The following RELCH variants were observed in gnomAD, a reference collection of about 807,000 sequenced individuals.
RELCH encodes the protein RAB11-binding protein RELCH.
Under a neutral mutation model 150.3 loss-of-function variants are expected in RELCH, and 41 were observed. The observed-to-expected ratio is 0.27, with a 90% confidence interval of 0.21 to 0.35. The LOEUF is 0.35. Among genes scored for constraint, RELCH ranks in the 10% least tolerant of loss-of-function variants. The pLI, the probability that RELCH is intolerant of heterozygous loss-of-function variation, is 1.00. For missense variants in RELCH, 1,092 were observed against 1,467.8 expected (o/e 0.74, Z 4.18); for synonymous variants, 478 against 531.8 (o/e 0.90, Z 1.39).
At chr18:62,216,671 CAT>C (rs2040495636) in intron 2 of RELCH, among the ~76,000 whole-genome samples, 1 of 152,072 alleles carries the variant, frequency 6.6e-6, no homozygotes, top group African/African-American at 2.4e-5. Context: ...ATAGTACAGA[CAT>C]ATGAAGCCTT....
At chr18:62,252,128 T>C (rs1482426251) in intron 11 of RELCH, among the ~76,000 whole-genome samples, 2 of 151,680 alleles carry the variant, frequency 1.3e-5, no homozygotes, top group African/African-American at 2.4e-5. Context: ...CCCGAGTAGC[T>C]GGGACTACAG....
At chr18:62,247,932 A>C (rs1374160570) in intron 11 of RELCH, among the ~76,000 whole-genome samples, 2 of 152,164 alleles carry the variant, frequency 1.3e-5, no homozygotes, top group African/African-American at 4.8e-5. Flanking sequence ...TTGTGGTTTC[A>C]ATAATTTCCA....
chr18:62,273,205 T>A (rs2044004280), intron 20 of RELCH, among the ~76,000 whole-genome samples: 1 of 152,040 alleles, frequency 6.6e-6, no homozygotes, highest in Admixed American at 6.6e-5. Context: ...TAGGTTAATT[T>A]AACATAAAAC....
chr18:62,250,384 C>A (rs1361927374), intron 11 of RELCH, among the ~76,000 whole-genome samples: 1 of 152,118 alleles, frequency 6.6e-6, no homozygotes, highest in African/African-American at 2.4e-5. Flanking sequence ...TTAGCTATTA[C>A]AATTATCAAA....
chr18:62,199,279 T>G (rs897917716), intron 1 of RELCH, among the ~76,000 whole-genome samples: 1 of 152,170 alleles, frequency 6.6e-6, no homozygotes, highest in African/African-American at 2.4e-5. Context: ...GTTCCACTTA[T>G]GGAAATTAAT....
At position 62,221,202 on chromosome 18, in the gene RELCH, A is replaced by T. The variant is rs760792264; in HGVS notation, c.689-17A>T. 8.7e-6 allele frequency: 14 copies of T among 1,604,090 alleles called. No homozygotes were observed. Among genetic ancestry groups the T allele is most frequent in the Non-Finnish European group, 1.7e-6 (2 of 1,171,780 alleles). ...AATGTAAAATAGTAAAATAGTACTT[A>T]TGTTTTTTTCCACCAGAACATGAAG... On this transcript the variant is annotated splice_polypyrimidine_tract_variant and intron_variant, in intron 3 of 28. Coordinates refer to ENST00000644646, the MANE Select transcript of RELCH (RefSeq NM_001346231.2).
At position 62,227,406 on chromosome 18, in the gene RELCH, A is replaced by G; in HGVS notation, c.976A>G (p.Ser326Gly). 6.2e-7 allele frequency: 1 copy of G among 1,613,308 alleles called. No individual in the cohort carries two copies. Among genetic ancestry groups the G allele is most frequent in the Non-Finnish European group, 8.5e-7 (1 of 1,179,504 alleles). The change falls in exon 6 of 29, where the codon AGT becomes GGT. Residue 326 changes from serine to glycine, a missense_variant. This residue lies in a region of RELCH where 57 missense variants were observed against 41.5 expected (regional missense o/e 1.37). Coordinates refer to ENST00000644646, the MANE Select transcript of RELCH (RefSeq NM_001346231.2). ...TGGAAAAGATCTTGTAGATGTGGCC[A>G]GTGGAGTAGAAGAAGATGAATTAGA... is the stretch of plus-strand genomic sequence containing the variant. ...VTGKDLVDVA[S>G]GVEEDELEAL...
rs565172423 is a variant in RELCH, at chr18:62,300,816, A to G, written c.3530+1956A>G. 10 of 152,312 alleles carry G rather than the reference A, an allele frequency of 6.6e-5. No individual in the cohort carries two copies. In the South Asian group the frequency reaches 2.1e-3, roughly 32 times the overall value. The allele number at this position is 152,312 out of a possible 1,614,324, so 9.4% of individuals were successfully genotyped here. The stretch of plus-strand genomic sequence containing the variant: ...CATCATGTAAAATGTGGCACTTACT[A>G]TGGATCTGTGTCAGAAAAGTTTGAA... On this transcript the variant is annotated intron_variant, in intron 28 of 28. Transcript: ENST00000644646.
In RELCH at chr18:62,282,360, C is replaced by G. The variant is rs2044560427; in HGVS notation, c.3169C>G (p.Gln1057Glu). The G allele has an allele frequency of 6.2e-7, 1 of 1,612,620 alleles. No homozygotes were observed. The highest frequency in any genetic ancestry group is 8.5e-7 in the Non-Finnish European group (1 of 1,179,102). ...TTCTTTCCTGGAAGATCCTCAGTAT[C>G]AAGACCAACATTCTTTGCATACAGA... ...LASFLEDPQY[Q>E]DQHSLHTEII... is the part of the protein sequence containing the mutation. Residue 1057 changes from glutamine to glutamate, a missense_variant, in exon 25 of 29, where the codon CAA becomes GAA. Gln to Glu is a conservative substitution (Grantham distance 29, BLOSUM62 2). Coordinates refer to ENST00000644646, the MANE Select transcript of RELCH (RefSeq NM_001346231.2).
Position 62,306,171 on chromosome 18 carries a change from T to C in RELCH, c.*637T>C, listed in dbSNP as rs1029833817. On this transcript the variant is annotated 3_prime_UTR_variant, in exon 29 of 29. Coordinates refer to ENST00000644646, the MANE Select transcript of RELCH (RefSeq NM_001346231.2). The stretch of plus-strand genomic sequence containing the variant: ...CGAAACCTTCATTTCAGAACTCTCA[T>C]GAATATTCTTTAAGTGCTATTTAAA... 2.6e-5 allele frequency: 4 copies of C among 152,524 alleles called. No individual in the cohort carries two copies. The highest frequency in any genetic ancestry group is 6.5e-5 in the Admixed American group (1 of 15,276). The allele number at this position is 152,524 out of a possible 1,614,324, so 9.4% of individuals were successfully genotyped here.
chr18:62,277,912 A>C (rs1002738189), intron 22 of RELCH: 37 of 902,638 alleles, frequency 4.1e-5, no homozygotes, highest in Non-Finnish European at 4.8e-5. Flanking sequence ...AGCACAACTC[A>C]AAGAGGTCAT....
At chr18:62,215,099 T>A (rs1050885933) in intron 2 of RELCH, among the ~76,000 whole-genome samples, 2 of 152,174 alleles carry the variant, frequency 1.3e-5, no homozygotes, top group Admixed American at 6.5e-5. Context: ...TTCAAATCTT[T>A]CCACTCTTTT....
At chr18:62,261,211 C>G (rs985627598) in intron 15 of RELCH, among the ~76,000 whole-genome samples, 1 of 151,878 alleles carries the variant, frequency 6.6e-6, no homozygotes, top group Non-Finnish European at 1.5e-5. Context: ...TAAAGTGATT[C>G]CTGTCCCTTA....
chr18:62,202,288 T>G (rs2039504906), intron 1 of RELCH, among the ~76,000 whole-genome samples: 1 of 152,226 alleles, frequency 6.6e-6, no homozygotes, highest in South Asian at 2.1e-4. Flanking sequence ...TTGCTTCTCC[T>G]GGAAAAGAAT....
intron 1 of RELCH, among the ~76,000 whole-genome samples, chr18:62,210,306 C>T (rs944685441): frequency 6.6e-6 from 1 of 152,204 alleles, no homozygotes; most frequent in Non-Finnish European, 1.5e-5. Context: ...CTTGCCTCAT[C>T]AGTTGTGGAT....
At chr18:62,194,311 CTG>C (rs1489638141) in intron 1 of RELCH, among the ~76,000 whole-genome samples, 1 of 152,138 alleles carries the variant, frequency 6.6e-6, no homozygotes, top group Non-Finnish European at 1.5e-5. Flanking sequence ...ATCCAGTTGA[CTG>C]TTTTTTTCTT....
At chr18:62,231,554 C>T (rs2041580248) in intron 9 of RELCH, among the ~76,000 whole-genome samples, 1 of 151,866 alleles carries the variant, frequency 6.6e-6, no homozygotes, top group Admixed American at 6.6e-5. Flanking sequence ...AGATATAATT[C>T]AGAAAACCAA....
At chr18:62,290,818 C>T (rs911623551) in intron 26 of RELCH, among the ~76,000 whole-genome samples, 6 of 152,182 alleles carry the variant, frequency 3.9e-5, no homozygotes, top group Non-Finnish European at 8.8e-5. Flanking sequence ...TATAGTAGGT[C>T]AGTTTAACAG....
intron 24 of RELCH, 90 bp downstream of exon 24, chr18:62,280,799 C>T: frequency 1.1e-6 from 1 of 874,206 alleles, no homozygotes; most frequent in Non-Finnish European, 1.8e-6. Context: ...GAGCATCTTA[C>T]CTTTTATTTT....
Sources: gnomAD v4.1 joint callset for allele counts (sites outside exome capture counted in the v4.1 genomes callset) on GRCh38, gnomAD v4.1.1 for gene constraint, gnomAD v4.1.1 regional missense constraint, MANE v1.5 for transcripts, NCBI Gene and HGNC (gene_info 2026-07-23, HGNC 2026-07-21) for gene names.